The following BMPER variants were observed in gnomAD, a reference collection of about 807,000 sequenced individuals.
BMPER encodes the protein BMP binding endothelial regulator.
Under a neutral mutation model 87.3 loss-of-function variants are expected in BMPER, and 45 were observed. That is an observed-to-expected ratio of 0.52 (90% CI 0.41 to 0.66). The LOEUF (loss-of-function observed/expected upper bound fraction) is 0.66, where lower values mean the gene tolerates loss of function less well. Among genes scored for constraint, BMPER ranks in the 30% least tolerant of loss-of-function variants. The probability of loss-of-function intolerance (pLI) is 0.00; values close to 1 mark genes in which losing one functional copy is unlikely to be tolerated. For synonymous variants in BMPER, 326 were observed against 316.2 expected (o/e 1.03, Z -0.33); for missense variants, 784 against 867.5 (o/e 0.90, Z 1.21).
intron 11 of BMPER, among the ~76,000 whole-genome samples, chr7:34,065,317 A>T (rs1788559081): frequency 6.7e-6 from 1 of 150,216 alleles, no homozygotes; most frequent in South Asian, 2.1e-4. Context: ...GAGTTTGGCC[A>T]GATCATCCTG....
chr7:33,920,866 TG>T (rs780957872), intron 2 of BMPER, among the ~76,000 whole-genome samples: 6 of 152,232 alleles, frequency 3.9e-5, no homozygotes, highest in Non-Finnish European at 8.8e-5. Flanking sequence ...ATTTAAATCT[TG>T]GTTAGGTACA....
chr7:34,031,628 C>T (rs1787518335), intron 6 of BMPER, among the ~76,000 whole-genome samples: 1 of 151,602 alleles, frequency 6.6e-6, no homozygotes, highest in Admixed American at 6.6e-5. Context: ...GTGAAATATA[C>T]TTTGACTGGC....
At chr7:33,920,804 T>G (rs1365577091) in intron 2 of BMPER, among the ~76,000 whole-genome samples, 1 of 152,112 alleles carries the variant, frequency 6.6e-6, no homozygotes, top group African/African-American at 2.4e-5. Flanking sequence ...CCACCTGACA[T>G]GTAATGGAAA....
At position 33,909,587 on chromosome 7, in the gene BMPER, A is replaced by G. The variant is rs141433716; in HGVS notation, c.219+2684A>G. Among the ~76,000 whole-genome samples the G allele has an allele frequency of 2.4e-3, 364 of 152,074 alleles. 1 individual carries two copies. Among genetic ancestry groups the G allele is most frequent in the African/African-American group, 8.5e-3 (352 of 41,468 alleles). On this transcript the variant is annotated intron_variant, in intron 2 of 14. Transcript: ENST00000649409. Reference sequence around the variant, plus strand: ...AGTCTCAACTGTACTTTGGATAAAGAAAATAGTCATATTTAGTTTGTGTTG... The same window carrying G: ...AGTCTCAACTGTACTTTGGATAAAGGAAATAGTCATATTTAGTTTGTGTTG...
intron 13 of BMPER, among the ~76,000 whole-genome samples, chr7:34,086,564 A>C (rs1374395518): frequency 6.6e-6 from 1 of 152,206 alleles, no homozygotes; most frequent in Admixed American, 6.5e-5. Flanking sequence ...AGCCCACATC[A>C]AATGTGCACA....
intron 3 of BMPER, among the ~76,000 whole-genome samples, chr7:33,965,969 G>A (rs1385301303): frequency 1.3e-5 from 2 of 152,214 alleles, no homozygotes; most frequent in Non-Finnish European, 2.9e-5. Flanking sequence ...GGAGGTAAGG[G>A]TTGGAAGGTT....
intron 6 of BMPER, among the ~76,000 whole-genome samples, chr7:34,025,530 T>A (rs74651988): frequency 0.095 from 14,495 of 151,978 alleles, 802 homozygotes; most frequent in African/African-American, 0.16. Flanking sequence ...TTTAGGAAGT[T>A]CTAGCTGCAA....
In BMPER at chr7:34,079,107, G is replaced by T. The variant is rs756104096; in HGVS notation, c.1329G>T (p.Ser443=). 7 of 1,572,546 alleles carry T rather than the reference G, an allele frequency of 4.5e-6. No homozygotes were observed. In the East Asian group the frequency reaches 7.2e-5, roughly 16 times the overall value. Residue 443 remains serine, a synonymous_variant, in exon 12 of 15, where the codon TCG becomes TCT. Transcript: ENST00000649409. The part of the protein sequence containing the change: ...QQHLTVRWNG[S]RIALPCRAPH... ...ACCTCACCGTGCGCTGGAACGGCTC[G>T]CGCATCGCGCTCCCCTGCCGCGCGC... is the stretch of plus-strand genomic sequence containing the variant.
intron 6 of BMPER, among the ~76,000 whole-genome samples, chr7:33,981,759 A>T (rs1785868909): frequency 6.6e-6 from 1 of 152,216 alleles, no homozygotes; most frequent in African/African-American, 2.4e-5. Flanking sequence ...TCGGCAGAGA[A>T]TAGAGAGATG....
At chr7:34,034,675 G>T (rs1452181629) in intron 6 of BMPER, among the ~76,000 whole-genome samples, 1 of 152,178 alleles carries the variant, frequency 6.6e-6, no homozygotes, top group Non-Finnish European at 1.5e-5. Flanking sequence ...GCCTATACTT[G>T]AATCTCACAA....
chr7:33,905,285 A>C, upstream of BMPER: 3 of 416,762 alleles, frequency 7.2e-6, no homozygotes, highest in Non-Finnish European at 8.9e-6. Context: ...CGGCTGCCGC[A>C]ACACCCCTTC....
chr7:34,073,768 C>T (rs900499364), intron 11 of BMPER, among the ~76,000 whole-genome samples: 12 of 152,236 alleles, frequency 7.9e-5, no homozygotes, highest in South Asian at 2.1e-4. Flanking sequence ...GAAATTAAGA[C>T]TGTCCCAGAA....
At chr7:33,979,645 T>C (rs1785793092) in intron 6 of BMPER, among the ~76,000 whole-genome samples, 1 of 152,198 alleles carries the variant, frequency 6.6e-6, no homozygotes, top group African/African-American at 2.4e-5. Context: ...TCTGGTCAGA[T>C]ATCCCCTTAT....
At chr7:34,145,600 C>T (rs4141790) in intron 14 of BMPER, among the ~76,000 whole-genome samples, 113,431 of 152,030 alleles carry the variant, frequency 0.75, 43,025 homozygotes, top group East Asian at 0.91. Flanking sequence ...CTAGCTCCCT[C>T]TATTTTGAAT....
rs2128599922 is a variant in BMPER, at chr7:33,905,715, C to T, written c.102C>T (p.Val34=). 1.2e-6 allele frequency: 2 copies of T among 1,613,314 alleles called. No individual in the cohort carries two copies. Among genetic ancestry groups the T allele is most frequent in the South Asian group, 1.1e-5 (1 of 91,052 alleles). The change falls in exon 1 of 15, where the codon GTC becomes GTT. Residue 34 remains valine (V), a synonymous_variant. Transcript: ENST00000649409. Reference sequence around the variant, plus strand: ...TGCTGCTACTCAATTGCTCGGGGGTCCCCATGTCTCTGGCTTCCTCCTTCT... The same window carrying T: ...TGCTGCTACTCAATTGCTCGGGGGTTCCCATGTCTCTGGCTTCCTCCTTCT... The part of the protein sequence containing the change: ...CVLLLLNCSG[V]PMSLASSFLT...
intron 2 of BMPER, among the ~76,000 whole-genome samples, chr7:33,931,149 G>A (rs951868508): frequency 2.0e-5 from 3 of 152,200 alleles, no homozygotes; most frequent in East Asian, 1.9e-4. Context: ...AGGAGACCTC[G>A]CCTGTTTGGC....
At chr7:34,071,348 A>G (rs1420550916) in intron 11 of BMPER, among the ~76,000 whole-genome samples, 2 of 152,196 alleles carry the variant, frequency 1.3e-5, no homozygotes, top group Non-Finnish European at 2.9e-5. Flanking sequence ...TCACCCGGCA[A>G]GGTAATTGTT....
intron 13 of BMPER, among the ~76,000 whole-genome samples, chr7:34,132,486 T>A (rs67791027): frequency 0.15 from 22,083 of 145,774 alleles, 2,297 homozygotes; most frequent in Non-Finnish European, 0.19. Flanking sequence ...TTCTTCTTTC[T>A]TTCTGCATTT....
intron 6 of BMPER, among the ~76,000 whole-genome samples, chr7:34,016,015 AGAGAGAGAGAGAGACT>A (rs1331659413): frequency 2.6e-4 from 39 of 151,966 alleles, no homozygotes; most frequent in African/African-American, 9.4e-4. Flanking sequence ...AGAGTGAGAG[AGAGAGAGAGAGAGACT>A]GAGAGAGAGA....
Sources: allele counts gnomAD v4.1 joint callset (sites outside exome capture counted in the v4.1 genomes callset), GRCh38; gene constraint gnomAD v4.1.1; transcripts MANE v1.5; gene names NCBI Gene and HGNC (gene_info 2026-07-23, HGNC 2026-07-21).